LRSAM1: variants seen among roughly 807,000 people sequenced by gnomAD.
LRSAM1 encodes the protein E3 ubiquitin-protein ligase LRSAM1.
In LRSAM1, 96 loss-of-function variants were observed where a neutral mutation model predicts 118.1. That is an observed-to-expected ratio of 0.81 (90% CI 0.69 to 0.96). The LOEUF (loss-of-function observed/expected upper bound fraction) is 0.96, where lower values mean the gene tolerates loss of function less well. LRSAM1 is among the 40% of genes least tolerant of loss of function. The pLI, the probability that LRSAM1 is intolerant of heterozygous loss-of-function variation, is 0.00. For missense variants in LRSAM1, 804 were observed against 915.5 expected (o/e 0.88, Z 1.57); for synonymous variants, 322 against 364.2 (o/e 0.88, Z 1.32).
chr9:127,501,164 AC>A lies in LRSAM1; in HGVS notation c.2046+24del, dbSNP rs539417746. ...GGGAGGTAAGTCCGGGGCCCTCCCC[AC>A]CCGCCTGCCCTGCCTGTGGCCACCC... is the stretch of plus-strand genomic sequence containing the variant. On this transcript the variant is annotated intron_variant, in intron 25 of 25. Transcript: ENST00000300417. 1.3e-4 allele frequency: 208 copies of A among 1,572,196 alleles called. 2 individuals are homozygous for A. In the South Asian group the frequency reaches 2.3e-3, roughly 17 times the overall value.
At chr9:127,487,633 G>T in intron 17 of LRSAM1, 43 bp from the exon 18 acceptor site, 1 of 1,588,122 alleles carries the variant, frequency 6.3e-7, no homozygotes, top group South Asian at 1.1e-5. Flanking sequence ...TAGGTGCTCG[G>T]GAAACGTTCC....
rs3053020 is a variant in LRSAM1, at chr9:127,479,095, G to GCA, written c.780+133_780+134dup. The GCA allele has an allele frequency of 0.77, 756,680 of 982,278 alleles. 294,055 individuals carry two copies. Among genetic ancestry groups the GCA allele is most frequent in the Admixed American group, 0.82 (41,765 of 50,756 alleles). 60.8% of individuals were successfully genotyped at this position (982,278 alleles called of 1,614,324 possible). A position where few individuals can be genotyped will look rare whatever the true frequency, so the allele number is the denominator to read the frequency against. The stretch of plus-strand genomic sequence containing the variant: ...TCACAGTAATGCCTTCCTCTTACAC[G>GCA]CAGTCTGCTGCATCCTCACATGCCT... On this transcript the variant is annotated intron_variant, in intron 12 of 25. Transcript: ENST00000300417.
Position 127,451,540 on chromosome 9 carries a change from G to A in LRSAM1, c.-318G>A, listed in dbSNP as rs1028431081. The A allele has an allele frequency of 8.5e-6, 5 of 590,190 alleles. 1 individual carries two copies. The highest frequency in any genetic ancestry group is 9.3e-4 in the Middle Eastern group (2 of 2,148). The allele number at this position is 590,190 out of a possible 1,614,324, so 36.6% of individuals were successfully genotyped here. On this transcript the variant is annotated 5_prime_UTR_variant, in exon 1 of 26. Transcript: ENST00000300417. The stretch of plus-strand genomic sequence containing the variant: ...GGGCAGGCGCCTGAGGCTGACGGCT[G>A]GCAAGCAGGGCACCGCGGTGCGCTG...
At chr9:127,497,399 A>AC (rs1451671929) in intron 24 of LRSAM1, 65 bp downstream of exon 24, 36 of 1,491,510 alleles carry the variant, frequency 2.4e-5, no homozygotes, top group Non-Finnish European at 3.2e-5. Context: ...TCTGGTGGGG[A>AC]CAGTCATTTG....
rs142625581 is a variant in LRSAM1, at chr9:127,492,324, C to T, written c.1504-478C>T. On this transcript the variant is annotated intron_variant, in intron 20 of 25. Coordinates refer to ENST00000300417, the MANE Select transcript of LRSAM1 (RefSeq NM_001005373.4). ...GAGAAGCTGCGGTCATCATGCCTGG[C>T]GGGTGCCCTAGTCCCTGCCCACAAG... 1.8e-4 allele frequency among the ~76,000 whole-genome samples: 28 copies of T among 152,334 alleles called. 1 individual carries two copies. Among genetic ancestry groups the T allele is most frequent in the South Asian group, 6.2e-4 (3 of 4,830 alleles).
chr9:127,481,333 A>T, intron 15 of LRSAM1, 106 bp downstream of exon 15: 1 of 1,237,698 alleles, frequency 8.1e-7, no homozygotes, highest in Non-Finnish European at 1.2e-6. Flanking sequence ...GCTCAGTGCA[A>T]CCCCCGCCGC....
At position 127,478,894 on chromosome 9, in the gene LRSAM1, CT is replaced by C. The variant is rs766819671; in HGVS notation, c.751-39del. On this transcript the variant is annotated intron_variant, in intron 11 of 25. Transcript: ENST00000300417. ...GTGCCCATGCCAGGGAGAACCACTG[CT>C]GCCACCCTCTCTTGACCACTGTCTT... 4 of 1,611,782 alleles carry C rather than the reference CT, an allele frequency of 2.5e-6. No homozygotes were observed. In the South Asian group the frequency reaches 4.4e-5, roughly 18 times the overall value.
chr9:127,476,445 G>A (rs757194643), intron 11 of LRSAM1, among the ~76,000 whole-genome samples: 2 of 152,150 alleles, frequency 1.3e-5, no homozygotes, highest in Non-Finnish European at 2.9e-5. Context: ...CTACGAGGGA[G>A]GCTAAGGTGG....
chr9:127,497,458 C>T (rs1213642676), intron 24 of LRSAM1, 124 bp downstream of exon 24: 14 of 996,910 alleles, frequency 1.4e-5, no homozygotes, highest in South Asian at 5.4e-5. Context: ...CTCTGCTGGT[C>T]GGTAAGGTTT....
At chr9:127,493,351 C>T (rs1185355489) in intron 21 of LRSAM1, among the ~76,000 whole-genome samples, 1 of 152,202 alleles carries the variant, frequency 6.6e-6, no homozygotes, top group African/African-American at 2.4e-5. Flanking sequence ...CATGAGCCAC[C>T]GCGCCTAGCC....
At chr9:127,498,819 G>A (rs1836255401) in intron 24 of LRSAM1, among the ~76,000 whole-genome samples, 1 of 152,178 alleles carries the variant, frequency 6.6e-6, no homozygotes, top group African/African-American at 2.4e-5. Context: ...AGCACTTTGG[G>A]AGGCTGAGGT....
At chr9:127,489,739 G>A (rs1185871081) in intron 19 of LRSAM1, among the ~76,000 whole-genome samples, 2 of 152,212 alleles carry the variant, frequency 1.3e-5, no homozygotes, top group Admixed American at 6.5e-5. Context: ...GGGGTCTGGC[G>A]AGGGTCTTGC....
chr9:127,487,606 A>G lies in LRSAM1; in HGVS notation c.1260-70A>G. 2.1e-6 allele frequency: 3 copies of G among 1,437,288 alleles called. 1 individual carries two copies. The Admixed American group carries it at 5.4e-5, about 26-fold the overall frequency. The allele number at this position is 1,437,288 out of a possible 1,614,324, so 89.0% of individuals were successfully genotyped here. A position where few individuals can be genotyped will look rare whatever the true frequency, so the allele number is the denominator to read the frequency against. Reference sequence around the variant, plus strand: ...AAATGGGTTATCTTGATCTCCTCCAAGGGGCCTGGCACATAGTAGGTGCTC... The same window carrying G: ...AAATGGGTTATCTTGATCTCCTCCAGGGGGCCTGGCACATAGTAGGTGCTC... On this transcript the variant is annotated intron_variant, in intron 17 of 25. Coordinates refer to ENST00000300417, the MANE Select transcript of LRSAM1 (RefSeq NM_001005373.4).
In LRSAM1 at chr9:127,462,217, T is replaced by G. The variant is rs141724747; in HGVS notation, c.407-35T>G. The G allele has an allele frequency of 4.7e-4, 764 of 1,613,266 alleles. 10 individuals are homozygous for G. The East Asian group carries it at 0.013, about 27-fold the overall frequency. On this transcript the variant is annotated intron_variant, in intron 8 of 25. Coordinates refer to ENST00000300417, the MANE Select transcript of LRSAM1 (RefSeq NM_001005373.4). Reference sequence around the variant, plus strand: ...AGGCAGGAAGCTGGTGATGGGGATTTGGGGTGTTGAGCTGTGCTATTGGGG... The same window carrying G: ...AGGCAGGAAGCTGGTGATGGGGATTGGGGGTGTTGAGCTGTGCTATTGGGG...
chr9:127,491,735 G>A (rs909768948), intron 20 of LRSAM1, among the ~76,000 whole-genome samples: 20 of 152,214 alleles, frequency 1.3e-4, no homozygotes, highest in African/African-American at 4.8e-4. Context: ...ACTCCCTGCA[G>A]GCAGCATCTC....
intron 19 of LRSAM1, among the ~76,000 whole-genome samples, chr9:127,490,357 C>T (rs529495161): frequency 4.6e-5 from 7 of 151,746 alleles, no homozygotes; most frequent in African/African-American, 1.7e-4. Context: ...TTCCTCTGAC[C>T]AGGGGTTGGT....
At chr9:127,492,364 G>A (rs971266289) in intron 20 of LRSAM1, among the ~76,000 whole-genome samples, 2 of 152,208 alleles carry the variant, frequency 1.3e-5, no homozygotes, top group East Asian at 1.9e-4. Context: ...GCAGGGCTCT[G>A]GCTGTTGGGG....
In LRSAM1 at chr9:127,497,174, T is replaced by C; in HGVS notation, c.1831-79T>C. The stretch of plus-strand genomic sequence containing the variant: ...GGAGGTGTCGACGGTCCTGTGAGCC[T>C]GGGCCTGTGCCACGTGGCTCACACC... On this transcript the variant is annotated intron_variant, in intron 23 of 25. Transcript: ENST00000300417. 3.5e-6 allele frequency: 5 copies of C among 1,439,660 alleles called. No individual in the cohort carries two copies. In the Admixed American group the frequency reaches 5.1e-5, roughly 15 times the overall value. The allele number at this position is 1,439,660 out of a possible 1,614,324, so 89.2% of individuals were successfully genotyped here.
chr9:127,470,760 A>G (rs1451913247), intron 10 of LRSAM1: 1 of 152,060 alleles, frequency 6.6e-6, no homozygotes, highest in African/African-American at 2.4e-5. Context: ...AGCCAGACAC[A>G]AAGGAATATG....
Sources: gnomAD v4.1 joint callset for allele counts (sites outside exome capture counted in the v4.1 genomes callset) on GRCh38, gnomAD v4.1.1 for gene constraint, MANE v1.5 for transcripts, NCBI Gene and HGNC (gene_info 2026-07-23, HGNC 2026-07-21) for gene names.